Variants in LARGE1 observed in about 807,000 individuals in gnomAD.
LARGE1 encodes xylosyl- and glucuronyltransferase LARGE1.
In LARGE1, 43 loss-of-function variants were observed where a neutral mutation model predicts 87.6. The ratio of observed to expected loss-of-function variants is 0.49; its 90% CI spans 0.38 to 0.63. The LOEUF (loss-of-function observed/expected upper bound fraction) is 0.63, where lower values mean the gene tolerates loss of function less well. LARGE1 is among the 30% of genes least tolerant of loss of function. The pLI is 0.00. For missense variants in LARGE1, 802 were observed against 1,000.2 expected, an observed-to-expected ratio of 0.80 and a Z score of 2.67; for synonymous variants, 434 against 394.6, an observed-to-expected ratio of 1.10 and a Z score of -1.18.
At chr22:33,074,017 C>T in the LARGE1 span, among the ~76,000 whole-genome samples, 4 of 152,228 alleles carry the variant, frequency 2.6e-5, no homozygotes, top group Middle Eastern at 3.4e-3. Context: ...TAAACTCATC[C>T]GGGCTTATTG....
chr22:33,838,138 T>C (rs903869804), intron 1 of LARGE1, among the ~76,000 whole-genome samples: 12 of 152,204 alleles, frequency 7.9e-5, no homozygotes, highest in African/African-American at 2.7e-4. Flanking sequence ...ACTTTAAACA[T>C]GTAAAAGCCA....
intron 6 of LARGE1, among the ~76,000 whole-genome samples, chr22:33,467,041 A>T (rs940504111): frequency 2.0e-5 from 3 of 151,900 alleles, no homozygotes; most frequent in Non-Finnish European, 2.9e-5. Context: ...AAACTCTCTG[A>T]AAAAAAAGAG....
At chr22:33,522,516 T>C (rs139971666) in intron 6 of LARGE1, among the ~76,000 whole-genome samples, 1,710 of 151,766 alleles carry the variant, frequency 0.011, 19 homozygotes, top group Middle Eastern at 0.027. Context: ...CTGGGCAACA[T>C]AGGGAGACTT....
At chr22:33,112,125 TGTAGAGAA>T in the LARGE1 span, among the ~76,000 whole-genome samples, 2 of 152,176 alleles carry the variant, frequency 1.3e-5, no homozygotes, top group African/African-American at 4.8e-5. Context: ...ACTGTGCCTG[TGTAGAGAA>T]TAGTTTGCAG....
intron 9 of LARGE1, among the ~76,000 whole-genome samples, chr22:33,355,084 T>G (rs1038174453): frequency 6.6e-6 from 1 of 152,198 alleles, no homozygotes; most frequent in Admixed American, 6.5e-5. Flanking sequence ...ATAAGAAGTA[T>G]TTTAGTACTG....
chr22:33,090,367 G>A, the LARGE1 span, among the ~76,000 whole-genome samples: 1 of 152,158 alleles, frequency 6.6e-6, no homozygotes, highest in South Asian at 2.1e-4. Flanking sequence ...GCAGACTGAG[G>A]GGGATGGGAA....
intron 6 of LARGE1, among the ~76,000 whole-genome samples, chr22:33,543,595 G>A (rs1380396380): frequency 6.6e-6 from 1 of 152,208 alleles, no homozygotes; most frequent in Non-Finnish European, 1.5e-5. Flanking sequence ...TATTTACTTA[G>A]CATGGGTTCT....
At chr22:33,561,523 C>T (rs537187738) in intron 6 of LARGE1, among the ~76,000 whole-genome samples, 1 of 152,206 alleles carries the variant, frequency 6.6e-6, no homozygotes, top group Non-Finnish European at 1.5e-5. Context: ...TCTGTTAGGA[C>T]AGGGCTGCTA....
At chr22:33,840,206 T>G (rs960526676) in intron 1 of LARGE1, among the ~76,000 whole-genome samples, 5 of 152,146 alleles carry the variant, frequency 3.3e-5, no homozygotes, top group Admixed American at 6.5e-5. Flanking sequence ...AAAGCAGCAC[T>G]GCACCAAATC....
At chr22:33,795,917 G>A (rs1332893545) in intron 1 of LARGE1, among the ~76,000 whole-genome samples, 1 of 151,512 alleles carries the variant, frequency 6.6e-6, no homozygotes, top group Non-Finnish European at 1.5e-5. Context: ...GTTAACGGGT[G>A]CAGCACACCA....
At chr22:33,712,255 T>C (rs1024133170) in intron 2 of LARGE1, among the ~76,000 whole-genome samples, 13 of 152,264 alleles carry the variant, frequency 8.5e-5, no homozygotes, top group Admixed American at 3.3e-4. Flanking sequence ...ACAGGGAAGC[T>C]GGAGCCTGGA....
intron 2 of LARGE1, among the ~76,000 whole-genome samples, chr22:33,674,120 T>A (rs2149273861): frequency 6.6e-6 from 1 of 152,042 alleles, no homozygotes; most frequent in Non-Finnish European, 1.5e-5. Flanking sequence ...ATTTTTTTTA[T>A]TTTTAGTAGA....
chr22:33,072,390 A>G, the LARGE1 span, among the ~76,000 whole-genome samples: 1 of 152,146 alleles, frequency 6.6e-6, no homozygotes, highest in South Asian at 2.1e-4. Context: ...TTTCCAGGGA[A>G]ATGAAAAAGA....
At chr22:33,330,381 G>A (rs1001945308) in intron 10 of LARGE1, among the ~76,000 whole-genome samples, 3 of 151,918 alleles carry the variant, frequency 2.0e-5, no homozygotes, top group African/African-American at 7.3e-5. Flanking sequence ...GGAGTATAGC[G>A]GATCGATCAT....
chr22:33,730,413 G>A (rs1009845001), intron 2 of LARGE1, among the ~76,000 whole-genome samples: 19 of 152,244 alleles, frequency 1.2e-4, no homozygotes, highest in East Asian at 9.6e-4. Context: ...GCATCTCCAC[G>A]ATGTGCTTAT....
intron 9 of LARGE1, among the ~76,000 whole-genome samples, chr22:33,370,653 T>C (rs1011803046): frequency 1.3e-5 from 2 of 152,042 alleles, no homozygotes; most frequent in African/African-American, 4.8e-5. Flanking sequence ...TCTATGTGTT[T>C]AGGTGTGGTT....
chr22:33,407,534 G>A (rs2066146464), intron 7 of LARGE1, among the ~76,000 whole-genome samples: 1 of 152,112 alleles, frequency 6.6e-6, no homozygotes, highest in Non-Finnish European at 1.5e-5. Flanking sequence ...ATTAAGGTGG[G>A]TGAAGGTAAC....
the LARGE1 span, among the ~76,000 whole-genome samples, chr22:33,123,468 A>G: frequency 0.65 from 98,351 of 151,962 alleles, 32,085 homozygotes; most frequent in South Asian, 0.75. Context: ...TGCTGTCCCC[A>G]TGTCTAGTAA....
intron 2 of LARGE1, among the ~76,000 whole-genome samples, chr22:33,693,583 G>A (rs534038408): frequency 5.3e-5 from 8 of 152,162 alleles, no homozygotes; most frequent in Admixed American, 2.6e-4. Context: ...CCCAGCCTTC[G>A]GGAGGCCGAG....
Sources: allele counts gnomAD v4.1 joint callset (sites outside exome capture counted in the v4.1 genomes callset), GRCh38; gene constraint gnomAD v4.1.1; transcripts MANE v1.5; gene names NCBI Gene and HGNC (gene_info 2026-07-23, HGNC 2026-07-21).